Variants in TJP2 observed in about 807,000 individuals in gnomAD.
The protein encoded by TJP2 is tight junction protein 2, also known as Friedreich ataxia region gene X104 (tight junction protein ZO-2).
TJP2 carries 91 observed loss-of-function variants against 133.1 expected under a neutral mutation model. The ratio of observed to expected loss-of-function variants is 0.68; its 90% CI spans 0.58 to 0.81. The LOEUF (loss-of-function observed/expected upper bound fraction) is 0.81. Among genes scored for constraint, TJP2 ranks in the 40% least tolerant of loss-of-function variants. The pLI, the probability that TJP2 is intolerant of heterozygous loss-of-function variation, is 0.00. For missense variants in TJP2, 1,541 were observed against 1,565.6 expected (o/e 0.98, Z 0.26); for synonymous variants, 592 against 583.4 (o/e 1.01, Z -0.21).
chr9:69,223,069 G>GAAAAAAAAAA (rs57114714), intron 5 of TJP2, among the ~76,000 whole-genome samples: 17 of 114,116 alleles, frequency 1.5e-4, no homozygotes, highest in African/African-American at 5.2e-4. Context: ...ACTCTGTCTT[G>GAAAAAAAAAA]AAAAAAAAAA....
At chr9:69,160,014 A>ATTTTG (rs1270311982) in intron 2 of TJP2, among the ~76,000 whole-genome samples, 1 of 152,008 alleles carries the variant, frequency 6.6e-6, no homozygotes, top group East Asian at 1.9e-4. Context: ...ATACTTTAGC[A>ATTTTG]ACTGAAGGAT....
At chr9:69,213,763 C>T (rs527734116) in intron 2 of TJP2, among the ~76,000 whole-genome samples, 3 of 152,284 alleles carry the variant, frequency 2.0e-5, no homozygotes, top group South Asian at 4.1e-4. Flanking sequence ...TTCATGCATT[C>T]CTTGAGTTGT....
intron 1 of TJP2, among the ~76,000 whole-genome samples, chr9:69,140,757 C>G (rs1187593361): frequency 6.6e-6 from 1 of 152,234 alleles, no homozygotes; most frequent in Non-Finnish European, 1.5e-5. Context: ...TCCTACAATT[C>G]TAGGCTCATA....
chr9:69,134,947 GGAGAGAGA>G (rs148798484), intron 1 of TJP2, among the ~76,000 whole-genome samples: 1 of 148,436 alleles, frequency 6.7e-6, no homozygotes. Context: ...AGAGAGAAGA[GGAGAGAGA>G]GAGAGAGAGA....
chr9:69,253,577 C>T (rs1463340890), intron 22 of TJP2: 5 of 160,774 alleles, frequency 3.1e-5, no homozygotes, highest in East Asian at 3.6e-4. Flanking sequence ...CTCAGCCTCC[C>T]GGGTAGCTGG....
intron 2 of TJP2, among the ~76,000 whole-genome samples, chr9:69,162,482 A>T (rs948057144): frequency 2.0e-5 from 3 of 152,188 alleles, no homozygotes; most frequent in Non-Finnish European, 4.4e-5. Flanking sequence ...ATCTATGCTA[A>T]ATGAATCAGG....
rs774050230 is a variant in TJP2 at position 69,237,080 on chromosome 9, C to G, written c.2123C>G (p.Ala708Gly). 4 of 1,614,122 alleles carry G rather than the reference C, an allele frequency of 2.5e-6. No homozygotes were observed. Among genetic ancestry groups the G allele is most frequent in the Non-Finnish European group, 3.4e-6 (4 of 1,180,038 alleles). The change falls in exon 14 of 23, where the codon GCT (alanine) becomes GGT (glycine). Residue 708 changes from alanine (A) to glycine (G), a missense_variant. Physicochemically the swap from Ala to Gly is moderately conservative, Grantham distance 60. Coordinates refer to ENST00000377245, the MANE Select transcript of TJP2 (RefSeq NM_004817.4). ...NLRKSREDLT[A>G]VVSVSTKFPA... ...AGGAAAAGTCGGGAAGACCTCACAGCTGTTGTGTCTGTCAGCACCAAGTTC... is the reference window on the plus strand; with the variant it reads ...AGGAAAAGTCGGGAAGACCTCACAGGTGTTGTGTCTGTCAGCACCAAGTTC...
Position 69,251,362 on chromosome 9 carries a change from AG to A in TJP2, c.3321+1del. On this transcript the variant is annotated frameshift_variant and splice_region_variant, in exon 21 of 23. Transcript: ENST00000377245. LOFTEE classifies it high-confidence loss of function. ...GGAGCTCCAGGAAGCACAGAATGCA[AG>A]GGTAATTGTTTTTAAACTACACATC... ...MQELQEAQNARIEIAQKHPDI... is the reference protein window; with the variant it reads ...MQELQEAQNAXIEIAQKHPDI... The A allele has an allele frequency of 1.2e-6, 2 of 1,613,050 alleles. No individual in the cohort carries two copies. Among genetic ancestry groups the A allele is most frequent in the South Asian group, 2.2e-5 (2 of 91,050 alleles).
At chr9:69,202,206 G>T (rs1362378150) in intron 1 of TJP2, among the ~76,000 whole-genome samples, 1 of 152,204 alleles carries the variant, frequency 6.6e-6, no homozygotes, top group Non-Finnish European at 1.5e-5. Context: ...ATGGTGTCTT[G>T]TTGCTGTATC....
intron 1 of TJP2, among the ~76,000 whole-genome samples, chr9:69,139,870 C>A (rs1404063161): frequency 2.6e-5 from 4 of 152,106 alleles, no homozygotes; most frequent in Admixed American, 2.0e-4. Flanking sequence ...CCTATACTGC[C>A]ACAGAGTCCC....
At chr9:69,186,138 CAT>C (rs1476226326) in intron 1 of TJP2, among the ~76,000 whole-genome samples, 2 of 152,266 alleles carry the variant, frequency 1.3e-5, no homozygotes, top group East Asian at 3.9e-4. Context: ...AATGATGTCA[CAT>C]GTGGAAAGAA....
At chr9:69,164,108 C>T (rs984405054) in intron 2 of TJP2, among the ~76,000 whole-genome samples, 2 of 152,120 alleles carry the variant, frequency 1.3e-5, no homozygotes, top group Non-Finnish European at 2.9e-5. Context: ...GAACATCTCC[C>T]GGAGGTGCCT....
rs961765808 is a variant in TJP2, at chr9:69,201,786, G to A, written c.61-10762G>A. 2.0e-5 allele frequency among the ~76,000 whole-genome samples: 3 copies of A among 152,174 alleles called. No homozygotes were observed. The East Asian group carries it at 5.8e-4, about 29-fold the overall frequency. On this transcript the variant is annotated intron_variant, in intron 1 of 22. Transcript: ENST00000377245. The stretch of plus-strand genomic sequence containing the variant: ...AATATTATTCAGCCTTAGAAAGGGA[G>A]GAACTTCTGACATACGCCGCCACCA...
intron 1 of TJP2, among the ~76,000 whole-genome samples, chr9:69,139,127 G>A (rs1822902558): frequency 6.6e-6 from 1 of 151,836 alleles, no homozygotes; most frequent in Non-Finnish European, 1.5e-5. Flanking sequence ...TGAGGTGGGA[G>A]AATCGCTTGA....
At chr9:69,235,962 T>C (rs1019986968) in intron 12 of TJP2, 66 bp from the exon 13 acceptor site, 55 of 1,450,032 alleles carry the variant, frequency 3.8e-5, no homozygotes, top group Non-Finnish European at 5.0e-5. Flanking sequence ...GGAGAAGCTG[T>C]GTTGAGTGTC....
intron 2 of TJP2, among the ~76,000 whole-genome samples, chr9:69,152,190 A>T (rs981849252): frequency 5.9e-5 from 9 of 152,206 alleles, no homozygotes; most frequent in African/African-American, 1.9e-4. Context: ...TGATGAAAAG[A>T]TAAAGGACAT....
At chr9:69,245,949 C>T (rs1191054458) in intron 17 of TJP2, among the ~76,000 whole-genome samples, 1 of 152,094 alleles carries the variant, frequency 6.6e-6, no homozygotes, top group African/African-American at 2.4e-5. Flanking sequence ...CTGTGGTTTC[C>T]ACATTCATGA....
chr9:69,177,600 C>T (rs1396167996), intron 1 of TJP2, among the ~76,000 whole-genome samples: 2 of 151,976 alleles, frequency 1.3e-5, no homozygotes, highest in Non-Finnish European at 2.9e-5. Flanking sequence ...GCATGGAAAT[C>T]CAATATGCAG....
chr9:69,251,164 G>A lies in TJP2; in HGVS notation c.3121G>A (p.Ala1041Thr), dbSNP rs1831302209. The A allele has an allele frequency of 6.2e-7, 1 of 1,614,034 alleles. No homozygotes were observed. Among genetic ancestry groups the A allele is most frequent in the Non-Finnish European group, 8.5e-7 (1 of 1,180,040 alleles). Residue 1041 changes from alanine to threonine, a missense_variant, in exon 21 of 23, where the codon GCA becomes ACA. Ala to Thr is a moderately conservative substitution (Grantham distance 58). Coordinates refer to ENST00000377245, the MANE Select transcript of TJP2 (RefSeq NM_004817.4). ...STKGYPPPVA[A>T]KPTFGRSILK... is the part of the protein sequence containing the mutation. ...CAAAGGTTATCCTCCTCCTGTTGCA[G>A]CAAAACCTACCTTTGGGCGGTCTAT...
Sources: allele counts gnomAD v4.1 joint callset (sites outside exome capture counted in the v4.1 genomes callset), GRCh38; gene constraint gnomAD v4.1.1; transcripts MANE v1.5; gene names NCBI Gene and HGNC (gene_info 2026-07-23, HGNC 2026-07-21).